Variants in ZBTB24 observed in about 807,000 individuals in gnomAD.
ZBTB24 encodes the protein zinc finger and BTB domain-containing protein 24.
A neutral mutation model predicts 53.8 loss-of-function variants in ZBTB24; 32 were observed. The observed-to-expected ratio is 0.60, with a 90% CI of 0.45 to 0.80. The LOEUF (loss-of-function observed/expected upper bound fraction) is 0.80, where lower values mean the gene tolerates loss of function less well. Ranked by LOEUF, ZBTB24 falls within the 30% of genes least tolerant of loss-of-function variation. ZBTB24 has a pLI of 0.00. For missense variants in ZBTB24, 722 were observed against 837.1 expected (o/e 0.86, Z 1.70); for synonymous variants, 297 against 306.7 (o/e 0.97, Z 0.33).
intron 2 of ZBTB24, among the ~76,000 whole-genome samples, chr6:109,478,342 G>A (rs1238502697): frequency 2.0e-5 from 3 of 152,148 alleles, no homozygotes; most frequent in African/African-American, 2.4e-5. Flanking sequence ...CAGCTTAGGC[G>A]GTATATAAGC....
intron 5 of ZBTB24, among the ~76,000 whole-genome samples, chr6:109,470,773 T>C (rs1776148815): frequency 1.3e-5 from 2 of 152,268 alleles, no homozygotes; most frequent in Admixed American, 1.3e-4. Context: ...ACTGCTCCAC[T>C]ATTCTCATCT....
Position 109,481,552 on chromosome 6 carries a change from T to C in ZBTB24, c.475A>G (p.Lys159Glu). 6.2e-7 allele frequency: 1 copy of C among 1,614,228 alleles called. No homozygotes were observed. Among genetic ancestry groups the C allele is most frequent in the Non-Finnish European group, 8.5e-7 (1 of 1,180,036 alleles). The change falls in exon 2 of 7, where the codon AAG becomes GAG. Residue 159 changes from lysine (K) to glutamate (E), a missense_variant. By Grantham distance (56) the Lys-to-Glu change is moderately conservative. Coordinates refer to ENST00000230122, the MANE Select transcript of ZBTB24 (RefSeq NM_014797.3). ...VISNKKNDPPKRKRGRPKKVN... is the reference protein window; with the variant it reads ...VISNKKNDPPERKRGRPKKVN... ...TTTTTTGGTCTTCCCCGTTTCCGCT[T>C]TGGAGGATCGTTTTTCTTATTAGAG...
rs776482262 is a variant in ZBTB24, at chr6:109,466,365, C to T, written c.1580G>A (p.Ser527Asn). The T allele has an allele frequency of 6.2e-7, 1 of 1,614,258 alleles. No homozygotes were observed. Among genetic ancestry groups the T allele is most frequent in the East Asian group, 2.2e-5 (1 of 44,884 alleles). Reference protein sequence around the residue: ...HASDASSISGSSNTEEVRNIL... With the variant: ...HASDASSISGNSNTEEVRNIL... ...ATTCCTGACCTCTTCTGTATTACTA[C>T]TGCCAGAAATGCTGCTGGCATCTGA... Residue 527 changes from serine (S) to asparagine (N), a missense_variant, in exon 7 of 7, where the codon AGT (serine) becomes AAT (asparagine). Coordinates refer to ENST00000230122, the MANE Select transcript of ZBTB24 (RefSeq NM_014797.3).
At chr6:109,467,229 TAAAAC>T (rs1776063824) in intron 6 of ZBTB24, among the ~76,000 whole-genome samples, 1 of 152,070 alleles carries the variant, frequency 6.6e-6, no homozygotes. Context: ...ATTGAAAAGA[TAAAAC>T]AAAATAGGCC....
intron 5 of ZBTB24, among the ~76,000 whole-genome samples, chr6:109,471,597 CG>C (rs1159958677): frequency 1.3e-5 from 2 of 152,098 alleles, no homozygotes; most frequent in East Asian, 1.9e-4. Flanking sequence ...GGGACACTGG[CG>C]GGGTGGGACT....
intron 5 of ZBTB24, among the ~76,000 whole-genome samples, chr6:109,472,331 C>T (rs1337146562): frequency 1.3e-5 from 2 of 152,266 alleles, no homozygotes; most frequent in South Asian, 2.1e-4. Flanking sequence ...CACAGAGGCC[C>T]GTCTGTCTCC....
At chr6:109,471,900 C>T (rs1474472507) in intron 5 of ZBTB24, among the ~76,000 whole-genome samples, 1 of 152,122 alleles carries the variant, frequency 6.6e-6, no homozygotes, top group Admixed American at 6.5e-5. Flanking sequence ...ATGTGGTGAC[C>T]TGGCAGGTAC....
intron 4 of ZBTB24, 36 bp from the exon 5 acceptor site, chr6:109,475,518 A>G (rs1473440847): frequency 1.9e-6 from 3 of 1,606,608 alleles, no homozygotes; most frequent in African/African-American, 1.3e-5. Context: ...CAGTGCATAC[A>G]TGCTCTCCCT....
intron 5 of ZBTB24, among the ~76,000 whole-genome samples, chr6:109,470,915 T>A (rs749593809): frequency 3.2e-4 from 49 of 152,352 alleles, no homozygotes; most frequent in Non-Finnish European, 1.6e-4. Context: ...TTTAAAACCC[T>A]GTGCTGTGTA....
intron 4 of ZBTB24, 141 bp from the exon 5 acceptor site, chr6:109,475,623 G>T: frequency 1.1e-6 from 1 of 950,326 alleles, no homozygotes. Context: ...CATTAATTTG[G>T]TAACTGTTAA....
At chr6:109,467,217 T>C (rs1776063243) in intron 6 of ZBTB24, among the ~76,000 whole-genome samples, 1 of 152,148 alleles carries the variant, frequency 6.6e-6, no homozygotes, top group Non-Finnish European at 1.5e-5. Context: ...AGGAATTTCA[T>C]TATTGAAAAG....
At chr6:109,467,351 C>T (rs1269493657) in intron 6 of ZBTB24, among the ~76,000 whole-genome samples, 6 of 152,020 alleles carry the variant, frequency 3.9e-5, no homozygotes, top group East Asian at 1.9e-4. Flanking sequence ...GGTGAAATCC[C>T]GTCTCTACCA....
In ZBTB24 at chr6:109,471,715, T is replaced by C. The variant is rs1287918629; in HGVS notation, c.1288+3684A>G. 3.3e-5 allele frequency among the ~76,000 whole-genome samples: 5 copies of C among 152,150 alleles called. No individual in the cohort carries two copies. The East Asian group carries it at 9.7e-4, about 29-fold the overall frequency. ...AATCTTCTGATCACTAACTTGGCTT[T>C]CGGGTCACTAATGTGAGGAAGGAGG... On this transcript the variant is annotated intron_variant, in intron 5 of 6. Transcript: ENST00000230122.
At chr6:109,474,062 C>G (rs1776225656) in intron 5 of ZBTB24, among the ~76,000 whole-genome samples, 1 of 147,720 alleles carries the variant, frequency 6.8e-6, no homozygotes, top group Non-Finnish European at 1.5e-5. Flanking sequence ...GCACAACAGC[C>G]TGGGCGACAG....
chr6:109,467,549 A>C, intron 6 of ZBTB24, 104 bp downstream of exon 6: 2 of 1,588,258 alleles, frequency 1.3e-6, no homozygotes, highest in Admixed American at 1.8e-5. Context: ...AAAATTCTGC[A>C]AAGTAACAAC....
At chr6:109,479,206 C>T (rs1776344655) in intron 2 of ZBTB24, among the ~76,000 whole-genome samples, 1 of 152,144 alleles carries the variant, frequency 6.6e-6, no homozygotes, top group Non-Finnish European at 1.5e-5. Flanking sequence ...AAAACAGACC[C>T]ATACTAAAGT....
At chr6:109,474,412 CT>C in intron 5 of ZBTB24, among the ~76,000 whole-genome samples, 1 of 152,170 alleles carries the variant, frequency 6.6e-6, no homozygotes. Context: ...ACATTTGTGT[CT>C]GTTACATTTG....
chr6:109,467,413 C>T (rs762485054), intron 6 of ZBTB24, among the ~76,000 whole-genome samples: 13 of 152,068 alleles, frequency 8.5e-5, no homozygotes, highest in East Asian at 1.9e-4. Flanking sequence ...CAGGAGGCCA[C>T]GGTGGGAGAA....
intron 5 of ZBTB24, among the ~76,000 whole-genome samples, chr6:109,470,136 G>C (rs543127469): frequency 6.6e-6 from 1 of 152,310 alleles, no homozygotes; most frequent in South Asian, 2.1e-4. Flanking sequence ...AATAGGACAG[G>C]GCCTGAGAGG....
Sources: gnomAD v4.1 joint callset for allele counts (sites outside exome capture counted in the v4.1 genomes callset) on GRCh38, gnomAD v4.1.1 for gene constraint, MANE v1.5 for transcripts, NCBI Gene and HGNC (gene_info 2026-07-23, HGNC 2026-07-21) for gene names.